The following MICAL2 variants were observed in gnomAD, a reference collection of about 807,000 sequenced individuals.
MICAL2 encodes microtubule associated monooxygenase, calponin and LIM domain containing 2.
Under a neutral mutation model 127.3 loss-of-function variants are expected in MICAL2, and 77 were observed. The observed-to-expected ratio is 0.60, with a 90% CI of 0.50 to 0.73. The LOEUF (loss-of-function observed/expected upper bound fraction) is 0.73. MICAL2 is among the 30% of genes least tolerant of loss of function. The pLI is 0.00. For synonymous variants in MICAL2, 570 were observed against 551.1 expected (o/e 1.03, Z -0.48); for missense variants, 1,351 against 1,434.4 (o/e 0.94, Z 0.94).
intron 16 of MICAL2, among the ~76,000 whole-genome samples, chr11:12,237,466 G>A (rs1859244132): frequency 6.6e-6 from 1 of 152,172 alleles, no homozygotes; most frequent in Non-Finnish European, 1.5e-5. Context: ...CAGGGCCTGG[G>A]ATTTGCTCCT....
downstream of MICAL2, among the ~76,000 whole-genome samples, chr11:12,290,198 G>T (rs1863879081): frequency 6.6e-6 from 1 of 152,208 alleles, no homozygotes; most frequent in Non-Finnish European, 1.5e-5. Context: ...CTCAAGCCCT[G>T]CTGGAGTTCC....
At chr11:12,291,186 A>G (rs149868703), downstream of MICAL2, among the ~76,000 whole-genome samples, 939 of 152,236 alleles carry the variant, frequency 6.2e-3, 11 homozygotes, top group African/African-American at 0.022. Flanking sequence ...GGGGGTAGGT[A>G]CTGAGAGGGC....
chr11:12,216,015 A>C (rs543295273), intron 7 of MICAL2, among the ~76,000 whole-genome samples: 4 of 152,228 alleles, frequency 2.6e-5, no homozygotes, highest in Non-Finnish European at 5.9e-5. Context: ...ATGCCGCTAT[A>C]GAACTATAGA....
chr11:12,358,678 A>G (rs1939166181), downstream of MICAL2: 1 of 430,714 alleles, frequency 2.3e-6, no homozygotes, highest in Non-Finnish European at 4.0e-6. Flanking sequence ...AAGAAAACCC[A>G]AAGACTCTTT....
At chr11:12,325,328 T>C (rs1325280143) in intron 31 of MICAL2, among the ~76,000 whole-genome samples, 1 of 152,114 alleles carries the variant, frequency 6.6e-6, no homozygotes, top group Non-Finnish European at 1.5e-5. Flanking sequence ...TAGGCTGATC[T>C]CGAACTCCTG....
chr11:12,265,967 C>T (rs916541086), downstream of MICAL2, among the ~76,000 whole-genome samples: 2 of 152,032 alleles, frequency 1.3e-5, no homozygotes, highest in Admixed American at 6.6e-5. Flanking sequence ...AAAAAATTAG[C>T]TGGGCACGGT....
intron 1 of MICAL2, among the ~76,000 whole-genome samples, chr11:12,112,450 T>C (rs1029572970): frequency 1.3e-5 from 2 of 151,770 alleles, no homozygotes; most frequent in Non-Finnish European, 2.9e-5. Flanking sequence ...TGACCTGGCC[T>C]CACCTCTGAG....
intron 3 of MICAL2, among the ~76,000 whole-genome samples, chr11:12,195,769 A>G (rs1859834326): frequency 1.3e-5 from 2 of 150,846 alleles, no homozygotes; most frequent in Admixed American, 1.3e-4. Flanking sequence ...AGTGTTCTAG[A>G]CAGAAGACAA....
chr11:12,210,890 C>T (rs1034260993), intron 6 of MICAL2, among the ~76,000 whole-genome samples: 23 of 152,332 alleles, frequency 1.5e-4, no homozygotes, highest in Admixed American at 1.0e-3. Flanking sequence ...CAGCAGCATC[C>T]CTGGCCTCTG....
rs1002404601 is a variant in MICAL2 at position 12,138,867 on chromosome 11, CACAA to C, written c.-78+411_-78+414del. On this transcript the variant is annotated intron_variant, in intron 2 of 27. Coordinates refer to ENST00000683283, the MANE Select transcript of MICAL2 (RefSeq NM_001282663.2). ...GCTTTTATGGTCCACAAAGCTTCAT[CACAA>C]ACAGTGTCCTATGGGAACCTTTGTG... Among the ~76,000 whole-genome samples, 8 of 152,290 alleles carry C rather than the reference CACAA, an allele frequency of 5.3e-5. No individual in the cohort carries two copies. The South Asian group carries it at 1.2e-3, about 24-fold the overall frequency.
intron 20 of MICAL2, 42 bp from the exon 21 acceptor site, chr11:12,243,945 T>A: frequency 4.3e-6 from 7 of 1,610,138 alleles, no homozygotes; most frequent in Non-Finnish European, 5.9e-6. Context: ...CATGTGTGAC[T>A]CCTGGGATAA....
At chr11:12,136,359 T>C (rs184376310) in intron 1 of MICAL2, among the ~76,000 whole-genome samples, 1 of 152,330 alleles carries the variant, frequency 6.6e-6, no homozygotes, top group Non-Finnish European at 1.5e-5. Context: ...AGCACTTCGC[T>C]GTGCCATGCC....
intron 20 of MICAL2, chr11:12,243,148 T>G (rs1298270233): frequency 6.2e-6 from 1 of 162,508 alleles, no homozygotes; most frequent in Non-Finnish European, 1.3e-5. Flanking sequence ...TTTACCCAGT[T>G]GCTTGTGATG....
At chr11:12,306,053 A>AGG (rs1864105906) in intron 29 of MICAL2, among the ~76,000 whole-genome samples, 1 of 152,204 alleles carries the variant, frequency 6.6e-6, no homozygotes, top group Non-Finnish European at 1.5e-5. Flanking sequence ...ATTTCTAGAT[A>AGG]GTCATTTTTC....
At chr11:12,286,202 C>A (rs546738218) in intron 2 of MICAL2, among the ~76,000 whole-genome samples, 1 of 152,288 alleles carries the variant, frequency 6.6e-6, no homozygotes, top group South Asian at 2.1e-4. Flanking sequence ...GGAACCAGGC[C>A]AAGGGAGGGC....
chr11:12,175,803 G>A (rs952775136), intron 3 of MICAL2, among the ~76,000 whole-genome samples: 2 of 152,150 alleles, frequency 1.3e-5, no homozygotes, highest in Non-Finnish European at 2.9e-5. Flanking sequence ...AGGTACAGAG[G>A]TGCTGACGCA....
intron 24 of MICAL2, among the ~76,000 whole-genome samples, chr11:12,269,224 T>C (rs1019645818): frequency 6.6e-6 from 1 of 152,136 alleles, no homozygotes; most frequent in Non-Finnish European, 1.5e-5. Flanking sequence ...CCCAGGCTAC[T>C]TCCCTTCCTG....
chr11:12,184,377 C>T (rs1245005348), intron 3 of MICAL2, among the ~76,000 whole-genome samples: 2 of 152,198 alleles, frequency 1.3e-5, no homozygotes, highest in African/African-American at 4.8e-5. Flanking sequence ...GCATCTGTGT[C>T]CCAAGAGAGG....
chr11:12,310,890 T>C (rs1341094062), intron 29 of MICAL2, among the ~76,000 whole-genome samples: 1 of 151,980 alleles, frequency 6.6e-6, no homozygotes. Context: ...CTTTCACTTC[T>C]TTGGTTAAAT....
Sources: gnomAD v4.1 joint callset for allele counts (sites outside exome capture counted in the v4.1 genomes callset) on GRCh38, gnomAD v4.1.1 for gene constraint, MANE v1.5 for transcripts, NCBI Gene and HGNC (gene_info 2026-07-23, HGNC 2026-07-21) for gene names.